SRGAP2B: variants seen among roughly 807,000 people sequenced by gnomAD.
SRGAP2B encodes the protein SLIT-ROBO Rho GTPase activating protein 2B, also known as SLIT-ROBO Rho GTPase-activating protein 2B.
In SRGAP2B, 9 loss-of-function variants were observed where a neutral mutation model predicts 22.2. The observed-to-expected ratio is 0.41, with a 90% CI of 0.24 to 0.71. The LOEUF is 0.71. SRGAP2B is among the 30% of genes least tolerant of loss of function. The pLI, the probability that SRGAP2B is intolerant of heterozygous loss-of-function variation, is 0.35. For missense variants in SRGAP2B, 114 were observed against 235.8 expected (o/e 0.48, Z 3.38); for synonymous variants, 36 against 87.4 (o/e 0.41, Z 3.28).
intron 2 of SRGAP2B, among the ~76,000 whole-genome samples, chr1:145,009,384 C>T (rs1420445176): frequency 1.3e-5 from 2 of 148,884 alleles, no homozygotes; most frequent in African/African-American, 5.1e-5. Context: ...GTCAGGAGAT[C>T]GAGACCATCC....
intron 2 of SRGAP2B, among the ~76,000 whole-genome samples, chr1:145,009,349 G>T (rs1570999302): frequency 6.7e-6 from 1 of 150,178 alleles, no homozygotes; most frequent in African/African-American, 2.5e-5. Context: ...AGCACTTTGG[G>T]AGGCCGAGGC....
At chr1:144,975,181 T>C (rs1194017081) in intron 3 of SRGAP2B, among the ~76,000 whole-genome samples, 9 of 149,448 alleles carry the variant, frequency 6.0e-5, no homozygotes, top group Non-Finnish European at 1.3e-4. Flanking sequence ...GAGAAAAGGT[T>C]TGGCAGTGAG....
At chr1:144,939,620 A>ATAT (rs1665878696) in intron 4 of SRGAP2B, among the ~76,000 whole-genome samples, 1 of 146,982 alleles carries the variant, frequency 6.8e-6, no homozygotes, top group Non-Finnish European at 1.5e-5. Context: ...CAATAAAATA[A>ATAT]TATTATTAAA....
At chr1:144,976,467 T>C (rs1668913950) in intron 3 of SRGAP2B, among the ~76,000 whole-genome samples, 1 of 138,006 alleles carries the variant, frequency 7.2e-6, no homozygotes, top group Non-Finnish European at 1.5e-5. Context: ...CTACTACCTC[T>C]GTCTGCTGAA....
chr1:144,955,331 G>T lies in SRGAP2B; in HGVS notation c.423+108C>A, dbSNP rs587678865. The stretch of plus-strand genomic sequence containing the variant: ...GTAAATTGCATGTCATGGGGGTCTG[G>T]TGTACAGATAATTTTGTCACCCAGG... On this transcript the variant is annotated intron_variant, in intron 4 of 9. Transcript: ENST00000612199. The T allele has an allele frequency of 3.5e-6, 2 of 563,744 alleles. 1 individual carries two copies. Among genetic ancestry groups the T allele is most frequent in the African/African-American group, 4.1e-5 (2 of 48,326 alleles). 34.9% of individuals were successfully genotyped at this position (563,744 alleles called of 1,614,324 possible). A position where few individuals can be genotyped will look rare whatever the true frequency, so the allele number is the denominator to read the frequency against.
intron 3 of SRGAP2B, among the ~76,000 whole-genome samples, chr1:144,985,323 T>G (rs1669633063): frequency 7.0e-6 from 1 of 142,260 alleles, no homozygotes; most frequent in Non-Finnish European, 1.5e-5. Context: ...GAAAAGATAC[T>G]GACAGTGGGT....
chr1:145,022,959 G>T (rs1352520019), intron 2 of SRGAP2B, among the ~76,000 whole-genome samples: 1 of 149,640 alleles, frequency 6.7e-6, no homozygotes, highest in Non-Finnish European at 1.5e-5. Flanking sequence ...GAGGTCAAGA[G>T]ATCGAGACCA....
intron 7 of SRGAP2B, among the ~76,000 whole-genome samples, chr1:144,904,228 C>T (rs1313255453): frequency 6.7e-6 from 1 of 149,634 alleles, no homozygotes; most frequent in African/African-American, 2.5e-5. Context: ...GCTTCCTTAT[C>T]TAGCAACTGG....
rs1490849478 is a variant in SRGAP2B, at chr1:144,967,607, C to A, written c.261-12006G>T. ...CTAGAAAAGCAAGAGCAAACACATT[C>A]AAAAGCTAGCAGAAGGCAAGAAATA... is the stretch of plus-strand genomic sequence containing the variant. On this transcript the variant is annotated intron_variant, in intron 3 of 9. Transcript: ENST00000612199. Among the ~76,000 whole-genome samples, 3 of 139,370 alleles carry A rather than the reference C, an allele frequency of 2.2e-5. 1 individual carries two copies. Among genetic ancestry groups the A allele is most frequent in the African/African-American group, 8.5e-5 (3 of 35,356 alleles). 91.4% of individuals were successfully genotyped at this position (139,370 alleles called of 152,430 possible).
rs1340702288 is a variant in SRGAP2B at position 144,992,308 on chromosome 1, G to A, written c.260+2700C>T. 5.3e-5 allele frequency among the ~76,000 whole-genome samples: 8 copies of A among 150,996 alleles called. 2 individuals carry two copies. The highest frequency in any genetic ancestry group is 1.7e-4 in the African/African-American group (7 of 40,388). ...GCGGCCTCATTCTTGAAGTCAGTGA[G>A]ACCAAGAACCCACCAATTCCGGACA... On this transcript the variant is annotated intron_variant, in intron 3 of 9. Coordinates refer to ENST00000612199, the Ensembl canonical transcript of SRGAP2B.
At chr1:144,905,652 T>C (rs1320516969) in intron 6 of SRGAP2B, among the ~76,000 whole-genome samples, 12 of 149,740 alleles carry the variant, frequency 8.0e-5, no homozygotes, top group Non-Finnish European at 1.5e-4. Context: ...TGCTAGAGGC[T>C]AGAAACTTGG....
chr1:145,080,186 G>A lies in SRGAP2B; in HGVS notation c.67+12649C>T, dbSNP rs1354023440. ...GAATCTTCTAACTCTAGAAGTCTCTGAGCTTACTGGAAGTCCAAAGTTTAA... is the reference window on the plus strand; with the variant it reads ...GAATCTTCTAACTCTAGAAGTCTCTAAGCTTACTGGAAGTCCAAAGTTTAA... On this transcript the variant is annotated intron_variant, in intron 2 of 9. Coordinates refer to ENST00000612199, the Ensembl canonical transcript of SRGAP2B. Among the ~76,000 whole-genome samples, 4 of 149,412 alleles carry A rather than the reference G, an allele frequency of 2.7e-5. 1 individual carries two copies. The highest frequency in any genetic ancestry group is 1.0e-4 in the African/African-American group (4 of 39,472).
At chr1:145,011,580 C>A (rs868929050) in intron 2 of SRGAP2B, among the ~76,000 whole-genome samples, 10 of 149,510 alleles carry the variant, frequency 6.7e-5, no homozygotes, top group African/African-American at 2.5e-4. Flanking sequence ...AACGGTACCA[C>A]CATTCACCTG....
chr1:144,955,625 G>T (rs1553610166), intron 3 of SRGAP2B, 24 bp from the exon 4 acceptor site: 1 of 715,678 alleles, frequency 1.4e-6, no homozygotes, highest in Admixed American at 2.5e-5. Context: ...TCAAGGAAAA[G>T]AAGTCATTGT....
intron 7 of SRGAP2B, among the ~76,000 whole-genome samples, chr1:144,904,174 G>A (rs1192387898): frequency 4.0e-5 from 6 of 149,998 alleles, no homozygotes; most frequent in East Asian, 1.9e-4. Flanking sequence ...CCTAATTTGC[G>A]CATAACCTTG....
chr1:144,955,496 A>T (rs1553610112), exon 4 of SRGAP2B: 1 of 1,182,682 alleles, frequency 8.5e-7, no homozygotes. Flanking sequence ...GAATGATATT[A>T]TTCAGGTAGA....
chr1:144,933,955 CTCACATCCTATAACCAAA>C (rs1553605993), intron 4 of SRGAP2B, among the ~76,000 whole-genome samples: 2 of 151,956 alleles, frequency 1.3e-5, no homozygotes, highest in Non-Finnish European at 2.9e-5. Flanking sequence ...ATCTCATTTG[CTCACATCCTATAACCAAA>C]TGATGAGCAC....
rs587610096 is a variant in SRGAP2B, at chr1:145,076,574, G to C, written c.67+16261C>G. ...CAATCCTAAAAAGCTACATGCTAAT[G>C]GTTCCGTTTTTATAATATTCTTGAA... On this transcript the variant is annotated intron_variant, in intron 2 of 9. Transcript: ENST00000612199. Among the ~76,000 whole-genome samples, 144 of 148,492 alleles carry C rather than the reference G, an allele frequency of 9.7e-4. 6 individuals carry two copies. Among genetic ancestry groups the C allele is most frequent in the African/African-American group, 3.5e-3 (135 of 38,542 alleles).
chr1:144,987,936 G>A (rs768940949), intron 3 of SRGAP2B, among the ~76,000 whole-genome samples: 3 of 150,996 alleles, frequency 2.0e-5, no homozygotes, highest in Non-Finnish European at 2.9e-5. Context: ...CATCAGCTAC[G>A]TGGACTCTTT....
Sources: allele counts gnomAD v4.1 joint callset (sites outside exome capture counted in the v4.1 genomes callset), GRCh38; gene constraint gnomAD v4.1.1; transcripts MANE v1.5; gene names NCBI Gene and HGNC (gene_info 2026-07-23, HGNC 2026-07-21).